The following COG2 variants were observed in gnomAD, a reference collection of about 807,000 sequenced individuals.
COG2 encodes conserved oligomeric Golgi complex subunit 2.
Under a neutral mutation model 90.6 loss-of-function variants are expected in COG2, and 52 were observed. The observed-to-expected ratio is 0.57, with a 90% CI of 0.46 to 0.72. The LOEUF is 0.72. Among genes scored for constraint, COG2 ranks in the 30% least tolerant of loss-of-function variants. The pLI, the probability that COG2 is intolerant of heterozygous loss-of-function variation, is 0.00. For synonymous variants in COG2, 337 were observed against 320.4 expected, an observed-to-expected ratio of 1.05 and a Z score of -0.55; for missense variants, 829 against 891.2, an observed-to-expected ratio of 0.93 and a Z score of 0.89.
chr1:230,689,342 T>C (rs556662918), intron 15 of COG2, among the ~76,000 whole-genome samples: 49 of 152,322 alleles, frequency 3.2e-4, no homozygotes, highest in Admixed American at 7.8e-4. Flanking sequence ...GAAACCAATA[T>C]GTTATTTTTC....
chr1:230,681,128 G>A (rs1403048712), intron 10 of COG2: 1 of 152,152 alleles, frequency 6.6e-6, no homozygotes, highest in East Asian at 1.9e-4. Context: ...CATTTCATTT[G>A]CACCTACAGG....
At chr1:230,645,534 A>C (rs909212809) in intron 1 of COG2, among the ~76,000 whole-genome samples, 1 of 152,160 alleles carries the variant, frequency 6.6e-6, no homozygotes, top group Non-Finnish European at 1.5e-5. Context: ...CCTGTTGTGT[A>C]GGGCAATGGT....
intron 1 of COG2, among the ~76,000 whole-genome samples, chr1:230,654,699 T>C (rs1662008013): frequency 6.6e-6 from 1 of 152,248 alleles, no homozygotes; most frequent in South Asian, 2.1e-4. Flanking sequence ...TATGGCAATT[T>C]TCATGATATT....
intron 17 of COG2, 63 bp from the exon 18 acceptor site, chr1:230,693,229 T>C (rs1663080270): frequency 3.1e-6 from 3 of 976,482 alleles, no homozygotes; most frequent in Non-Finnish European, 3.3e-6. Flanking sequence ...TTCTTTCTTT[T>C]TTTTCCCCCC....
intron 1 of COG2, among the ~76,000 whole-genome samples, chr1:230,645,180 G>A (rs994392712): frequency 2.7e-5 from 4 of 145,910 alleles, no homozygotes; most frequent in African/African-American, 1.0e-4. Context: ...AGGCTGCAGT[G>A]AGCCAGGATT....
chr1:230,642,499 C>G lies in COG2; in HGVS notation c.-108C>G, dbSNP rs554025435. On this transcript the variant is annotated 5_prime_UTR_variant, in exon 1 of 18. Coordinates refer to ENST00000366669, the MANE Select transcript of COG2 (RefSeq NM_007357.3). ...CGCTGCCATGTTGGCGGAAGCGGAC[C>G]CCCCTGTGCCGTGGAAACTGGCGGT... The G allele has an allele frequency of 2.1e-6, 2 of 961,170 alleles. No individual in the cohort carries two copies. Among genetic ancestry groups the G allele is most frequent in the Admixed American group, 6.8e-5 (2 of 29,236 alleles). The allele number at this position is 961,170 out of a possible 1,614,324, so 59.5% of individuals were successfully genotyped here.
Position 230,688,615 on chromosome 1 carries a change from A to C in COG2, c.1794+53A>C, listed in dbSNP as rs1277764997. On this transcript the variant is annotated intron_variant, in intron 15 of 17. Coordinates refer to ENST00000366669, the MANE Select transcript of COG2 (RefSeq NM_007357.3). ...TGAGGTGGGGAAGTGTGTGTTAGGA[A>C]AGCCAAAGAGGAAGGAAGGAAGGAA... is the stretch of plus-strand genomic sequence containing the variant. 2.5e-6 allele frequency: 4 copies of C among 1,597,266 alleles called. No homozygotes were observed. In the Admixed American group the frequency reaches 6.7e-5, roughly 27 times the overall value.
intron 1 of COG2, among the ~76,000 whole-genome samples, chr1:230,650,220 TG>T (rs1256779980): frequency 1.3e-5 from 2 of 152,174 alleles, no homozygotes; most frequent in Non-Finnish European, 2.9e-5. Context: ...TTCCTTTGGG[TG>T]GATGTTCCCT....
chr1:230,669,343 C>A lies in COG2; in HGVS notation c.595-13C>A. ...CTAGAGCTTTTTTTTTATTTACCCA[C>A]CTTTTCTTGCAGCGTATAGCTGGCA... is the stretch of plus-strand genomic sequence containing the variant. On this transcript the variant is annotated splice_polypyrimidine_tract_variant and intron_variant, in intron 6 of 17. Transcript: ENST00000366669. 6.3e-7 allele frequency: 1 copy of A among 1,587,814 alleles called. No individual in the cohort carries two copies.
At chr1:230,662,145 C>G (rs1276270324) in intron 3 of COG2, among the ~76,000 whole-genome samples, 1 of 152,136 alleles carries the variant, frequency 6.6e-6, no homozygotes, top group Non-Finnish European at 1.5e-5. Context: ...AGGCTCTAGT[C>G]TTTTCCTTGC....
At chr1:230,651,745 A>T (rs1397372911) in intron 1 of COG2, among the ~76,000 whole-genome samples, 1 of 152,218 alleles carries the variant, frequency 6.6e-6, no homozygotes, top group African/African-American at 2.4e-5. Context: ...AACAAGAAAA[A>T]AGTCTACTTT....
intron 15 of COG2, 125 bp from the exon 16 acceptor site, chr1:230,689,889 G>A (rs183619614): frequency 1.7e-5 from 16 of 920,106 alleles, no homozygotes; most frequent in Middle Eastern, 2.9e-4. Context: ...GGGAGGGATG[G>A]AAGTTGTCCG....
Position 230,642,519 on chromosome 1 carries a change from G to A in COG2, c.-88G>A. 2 of 1,340,044 alleles carry A rather than the reference G, an allele frequency of 1.5e-6. No individual in the cohort carries two copies. The highest frequency in any genetic ancestry group is 5.0e-5 in the East Asian group (2 of 39,664). The allele number at this position is 1,340,044 out of a possible 1,614,324, so 83.0% of individuals were successfully genotyped here. On this transcript the variant is annotated 5_prime_UTR_variant, in exon 1 of 18. Transcript: ENST00000366669. ...CGGACCCCCCTGTGCCGTGGAAACT[G>A]GCGGTGGCCGCGGCCGCCGAGTCGG...
intron 1 of COG2, among the ~76,000 whole-genome samples, chr1:230,646,950 C>A (rs1390593245): frequency 6.6e-6 from 1 of 152,118 alleles, no homozygotes; most frequent in South Asian, 2.1e-4. Flanking sequence ...TCTGACTCAT[C>A]ATTATCTCTG....
At chr1:230,671,389 T>C (rs1237101280) in intron 7 of COG2, 127 bp from the exon 8 acceptor site, 1 of 716,416 alleles carries the variant, frequency 1.4e-6, no homozygotes, top group Non-Finnish European at 2.3e-6. Context: ...TTAGAAAATG[T>C]GTCACAGGGA....
intron 6 of COG2, 160 bp downstream of exon 6, chr1:230,668,944 A>G (rs554141454): frequency 3.8e-6 from 2 of 522,978 alleles, no homozygotes; most frequent in South Asian, 6.7e-5. Context: ...AGTGTCACAC[A>G]TTATAGATTT....
chr1:230,659,832 AT>A (rs1470751216), intron 2 of COG2, among the ~76,000 whole-genome samples: 1 of 152,130 alleles, frequency 6.6e-6, no homozygotes, highest in Non-Finnish European at 1.5e-5. Flanking sequence ...TAAATTAAAT[AT>A]TTTTTTAATT....
intron 1 of COG2, among the ~76,000 whole-genome samples, chr1:230,650,592 G>A (rs546108915): frequency 1.3e-5 from 2 of 152,018 alleles, no homozygotes; most frequent in Non-Finnish European, 2.9e-5. Flanking sequence ...TGTAGACTCC[G>A]GATATTAGTC....
At chr1:230,672,430 G>A (rs922041055) in intron 8 of COG2, among the ~76,000 whole-genome samples, 3 of 152,076 alleles carry the variant, frequency 2.0e-5, no homozygotes, top group African/African-American at 4.8e-5. Context: ...TTGTACTCAC[G>A]TGCTTCTGCG....
Sources: gnomAD v4.1 joint callset for allele counts (sites outside exome capture counted in the v4.1 genomes callset) on GRCh38, gnomAD v4.1.1 for gene constraint, MANE v1.5 for transcripts, NCBI Gene and HGNC (gene_info 2026-07-23, HGNC 2026-07-21) for gene names.